The following CATSPERT variants were observed in gnomAD, a reference collection of about 807,000 sequenced individuals.
CATSPERT encodes cation channel sperm-associated targeting subunit tau.
chr2:201,575,368 G>C, the CATSPERT span: 3 of 1,487,026 alleles, frequency 2.0e-6, no homozygotes, highest in Non-Finnish European at 2.7e-6. Flanking sequence ...AATTACCCAT[G>C]TATTTCCCTG....
At chr2:201,513,893 GT>G in the CATSPERT span, among the ~76,000 whole-genome samples, 6 of 152,136 alleles carry the variant, frequency 3.9e-5, no homozygotes, top group African/African-American at 1.4e-4. Flanking sequence ...TTAAATTACA[GT>G]CATTTCTAGA....
the CATSPERT span, among the ~76,000 whole-genome samples, chr2:201,612,763 C>A: frequency 6.6e-6 from 1 of 151,876 alleles, no homozygotes; most frequent in Admixed American, 6.6e-5. Flanking sequence ...ATCGCCTCAC[C>A]CAGGAAGCAC....
At chr2:201,559,388 C>G in the CATSPERT span, among the ~76,000 whole-genome samples, 2 of 152,238 alleles carry the variant, frequency 1.3e-5, no homozygotes, top group Non-Finnish European at 2.9e-5. Context: ...ACCAGGCCAG[C>G]AAAGCAGCTG....
chr2:201,548,667 G>A, the CATSPERT span, among the ~76,000 whole-genome samples: 3 of 152,022 alleles, frequency 2.0e-5, no homozygotes, highest in South Asian at 2.1e-4. Flanking sequence ...GGAAGACAGG[G>A]AATGTTTCCC....
At chr2:201,537,580 A>G in the CATSPERT span, 2 of 906,020 alleles carry the variant, frequency 2.2e-6, no homozygotes, top group Non-Finnish European at 3.2e-6. Flanking sequence ...CTCACTAAAA[A>G]CAAAGAGCAA....
chr2:201,494,585 G>A, the CATSPERT span: 2 of 1,537,004 alleles, frequency 1.3e-6, no homozygotes, highest in Admixed American at 3.9e-5. Flanking sequence ...GTATTAGCAG[G>A]TCCTGCAGTT....
At chr2:201,598,879 C>T in the CATSPERT span, among the ~76,000 whole-genome samples, 1 of 152,158 alleles carries the variant, frequency 6.6e-6, no homozygotes, top group African/African-American at 2.4e-5. Flanking sequence ...CCGTGCCCAG[C>T]CAACCACCTC....
the CATSPERT span, among the ~76,000 whole-genome samples, chr2:201,540,372 G>A: frequency 2.0e-5 from 3 of 152,230 alleles, no homozygotes; most frequent in Admixed American, 6.5e-5. Context: ...TAGCTAGAGA[G>A]GAGAACTCAA....
the CATSPERT span, among the ~76,000 whole-genome samples, chr2:201,522,091 A>C: frequency 2.4e-4 from 37 of 152,160 alleles, no homozygotes; most frequent in African/African-American, 8.9e-4. Flanking sequence ...TTCAACTAAG[A>C]ACTGGAACAA....
At chr2:201,614,394 G>C in the CATSPERT span, among the ~76,000 whole-genome samples, 1,116 of 152,264 alleles carry the variant, frequency 7.3e-3, 15 homozygotes, top group African/African-American at 0.026. Flanking sequence ...AAGAGAGTGG[G>C]GGCCAATATT....
At chr2:201,487,908 TAATAA>T in the CATSPERT span, 28 of 1,561,978 alleles carry the variant, frequency 1.8e-5, no homozygotes, top group East Asian at 4.5e-5. Context: ...CAATCCTAAA[TAATAA>T]AATAAAAGAT....
At chr2:201,599,542 C>T in the CATSPERT span, among the ~76,000 whole-genome samples, 2 of 152,232 alleles carry the variant, frequency 1.3e-5, no homozygotes, top group African/African-American at 4.8e-5. Flanking sequence ...CAGAGTTTAA[C>T]AATATATTAC....
the CATSPERT span, among the ~76,000 whole-genome samples, chr2:201,590,272 G>C: frequency 1.3e-5 from 2 of 151,584 alleles, no homozygotes; most frequent in Non-Finnish European, 2.9e-5. Context: ...TACTGAGAAT[G>C]ATGATTTCCA....
chr2:201,528,322 A>G, the CATSPERT span, among the ~76,000 whole-genome samples: 1 of 152,208 alleles, frequency 6.6e-6, no homozygotes, highest in Admixed American at 6.5e-5. Flanking sequence ...GTAAATGTAA[A>G]TTACTTCACC....
the CATSPERT span, chr2:201,550,748 T>C: frequency 2.0e-5 from 3 of 152,182 alleles, no homozygotes; most frequent in Non-Finnish European, 1.5e-5. Context: ...CTATTTTCAT[T>C]GGCTCAACAA....
chr2:201,571,532 A>G, the CATSPERT span, among the ~76,000 whole-genome samples: 149,152 of 152,284 alleles, frequency 0.98, 73,098 homozygotes, highest in Non-Finnish European at 1. Flanking sequence ...GGAGTGGTGT[A>G]GAGGTAAGGG....
the CATSPERT span, among the ~76,000 whole-genome samples, chr2:201,530,633 A>T: frequency 8.5e-4 from 130 of 152,308 alleles, 1 homozygote; most frequent in Non-Finnish European, 1.2e-3. Flanking sequence ...ATATAAATGG[A>T]TGAATCGGAG....
chr2:201,534,040 TTATCTATCTATCTATCTATCTATC>T, the CATSPERT span, among the ~76,000 whole-genome samples: 194 of 148,664 alleles, frequency 1.3e-3, no homozygotes, highest in African/African-American at 4.5e-3. Context: ...GATCTGTATA[TTATCTATCTATCTATCTATCTATC>T]TATCTATCTA....
At chr2:201,553,387 T>C in the CATSPERT span, 2 of 152,210 alleles carry the variant, frequency 1.3e-5, no homozygotes, top group Admixed American at 1.3e-4. Flanking sequence ...CAAAACATCC[T>C]TTACCATCTG....
Sources: allele counts gnomAD v4.1 joint callset (sites outside exome capture counted in the v4.1 genomes callset), GRCh38; gene constraint gnomAD v4.1.1; transcripts MANE v1.5; gene names NCBI Gene and HGNC (gene_info 2026-07-23, HGNC 2026-07-21).